The following CNTN1 variants were observed in gnomAD, a reference collection of about 807,000 sequenced individuals.
CNTN1 encodes the protein contactin 1, also known as contactin-1.
In CNTN1, 38 loss-of-function variants were observed where a neutral mutation model predicts 126.4. That is an observed-to-expected ratio of 0.30 (90% confidence interval 0.23 to 0.39). The LOEUF (loss-of-function observed/expected upper bound fraction) is 0.39, where lower values mean the gene tolerates loss of function less well. Among genes scored for constraint, CNTN1 ranks in the 10% least tolerant of loss-of-function variants. The pLI is 1.00. For synonymous variants in CNTN1, 413 were observed against 422.6 expected (o/e 0.98, Z 0.28); for missense variants, 1,009 against 1,248.4 (o/e 0.81, Z 2.89).
chr12:41,051,217 G>A (rs1328717626), intron 23 of CNTN1, among the ~76,000 whole-genome samples: 1 of 143,248 alleles, frequency 7.0e-6, no homozygotes, highest in Non-Finnish European at 1.5e-5. Flanking sequence ...GTGAGATCTC[G>A]GCTCACTGCA....
chr12:40,851,676 G>A lies in CNTN1; in HGVS notation c.-76-56681G>A, dbSNP rs551751850. The stretch of plus-strand genomic sequence containing the variant: ...CAGTAAATTAATCACTGTGACGTGG[G>A]TTTTGCAGAAGAGAAATTTATTCAC... On this transcript the variant is annotated intron_variant, in intron 1 of 23. Coordinates refer to ENST00000551295, the MANE Select transcript of CNTN1 (RefSeq NM_001843.4). Among the ~76,000 whole-genome samples, 48 of 152,252 alleles carry A rather than the reference G, an allele frequency of 3.2e-4. No individual in the cohort carries two copies. In the South Asian group the frequency reaches 9.5e-3, roughly 30 times the overall value.
intron 7 of CNTN1, among the ~76,000 whole-genome samples, 177 bp from the exon 8 acceptor site, chr12:40,933,284 A>G (rs957883894): frequency 6.6e-6 from 1 of 151,966 alleles, no homozygotes; most frequent in Non-Finnish European, 1.5e-5. Context: ...CTGAGAAGTT[A>G]TACTATATTC....
At chr12:41,031,068 G>A (rs994379979) in intron 23 of CNTN1, among the ~76,000 whole-genome samples, 1 of 152,160 alleles carries the variant, frequency 6.6e-6, no homozygotes, top group Non-Finnish European at 1.5e-5. Flanking sequence ...TTTGCTCTCT[G>A]TACTCACCCT....
At chr12:40,881,880 A>T (rs1327457614) in intron 1 of CNTN1, among the ~76,000 whole-genome samples, 1 of 151,884 alleles carries the variant, frequency 6.6e-6, no homozygotes, top group African/African-American at 2.4e-5. Context: ...CTTGCTTTCT[A>T]TATGTTAATT....
chr12:40,925,548 T>A (rs1945616563), intron 6 of CNTN1, among the ~76,000 whole-genome samples: 1 of 146,540 alleles, frequency 6.8e-6, no homozygotes, highest in Non-Finnish European at 1.5e-5. Flanking sequence ...TGTGTGTGTG[T>A]ATATATATAC....
At chr12:40,944,294 A>G (rs1224144303) in intron 14 of CNTN1, 124 bp downstream of exon 14, 3 of 879,142 alleles carry the variant, frequency 3.4e-6, no homozygotes, top group Non-Finnish European at 5.4e-6. Flanking sequence ...AAAGCAGGCA[A>G]AAAAGCTTTC....
intron 14 of CNTN1, among the ~76,000 whole-genome samples, chr12:40,948,892 A>G (rs1187334552): frequency 6.6e-6 from 1 of 152,206 alleles, no homozygotes; most frequent in African/African-American, 2.4e-5. Flanking sequence ...TGGTCTAACT[A>G]TGAAGTTCCT....
chr12:41,056,737 C>T (rs1031742538), intron 23 of CNTN1, among the ~76,000 whole-genome samples: 8 of 151,500 alleles, frequency 5.3e-5, no homozygotes, highest in Non-Finnish European at 8.8e-5. Context: ...TTTTAATCTT[C>T]TAGACTCCAT....
At chr12:40,996,823 T>C (rs1210777025) in intron 17 of CNTN1, among the ~76,000 whole-genome samples, 7 of 152,250 alleles carry the variant, frequency 4.6e-5, no homozygotes, top group African/African-American at 1.4e-4. Flanking sequence ...GACATTTACA[T>C]TTTTCATTTT....
chr12:40,915,255 G>C (rs1302890504), intron 3 of CNTN1, among the ~76,000 whole-genome samples: 1 of 152,108 alleles, frequency 6.6e-6, no homozygotes, highest in Non-Finnish European at 1.5e-5. Context: ...GCGCCAAGCA[G>C]TACTTTCAGT....
intron 1 of CNTN1, among the ~76,000 whole-genome samples, chr12:40,801,117 C>A (rs1186546391): frequency 2.0e-5 from 3 of 150,250 alleles, no homozygotes; most frequent in African/African-American, 4.9e-5. Context: ...ATAACAAATA[C>A]CCTTAGCCAA....
At position 40,918,713 on chromosome 12, in the gene CNTN1, C is replaced by A. The variant is rs1742268326; in HGVS notation, c.169C>A (p.Leu57Met). The A allele has an allele frequency of 6.2e-7, 1 of 1,613,600 alleles. No individual in the cohort carries two copies. Among genetic ancestry groups the A allele is most frequent in the Admixed American group, 1.7e-5 (1 of 59,974 alleles). ...PINTIYPEES[L>M]EGKVSLNCRA... ...CAATACCATTTATCCAGAGGAATCA[C>A]TGGAAGGAAAAGTCTCACTCAACTG... The change falls in exon 4 of 24, where the codon CTG becomes ATG. Residue 57 changes from leucine (L) to methionine (M), a missense_variant. By Grantham distance (15) the Leu-to-Met change is conservative. Transcript: ENST00000551295.
At chr12:40,949,750 A>AT (rs1471204224) in intron 14 of CNTN1, among the ~76,000 whole-genome samples, 1 of 149,508 alleles carries the variant, frequency 6.7e-6, no homozygotes, top group African/African-American at 2.5e-5. Context: ...ATTTTTTTGT[A>AT]TTTTTAGTAG....
intron 1 of CNTN1, among the ~76,000 whole-genome samples, chr12:40,901,937 T>A (rs546505127): frequency 6.6e-6 from 1 of 152,336 alleles, no homozygotes; most frequent in East Asian, 1.9e-4. Context: ...GTGAGGCTGA[T>A]CTAAAACATA....
chr12:40,718,371 G>T (rs200627517), intron 1 of CNTN1, among the ~76,000 whole-genome samples: 1 of 152,012 alleles, frequency 6.6e-6, no homozygotes. Flanking sequence ...ACTAGAGATG[G>T]GGTTTCGCCG....
chr12:40,762,057 C>T (rs1584098), intron 1 of CNTN1, among the ~76,000 whole-genome samples: 145,565 of 152,268 alleles, frequency 0.96, 69,897 homozygotes, highest in East Asian at 1. Flanking sequence ...ACTGTATACA[C>T]TTGTTCCTCT....
chr12:40,924,359 T>C (rs540267446), intron 5 of CNTN1, among the ~76,000 whole-genome samples, 198 bp from the exon 6 acceptor site: 2 of 152,266 alleles, frequency 1.3e-5, no homozygotes, highest in South Asian at 2.1e-4. Flanking sequence ...GACTTTGAGC[T>C]CATAACAGAA....
chr12:40,994,616 A>C (rs543363143), intron 17 of CNTN1, among the ~76,000 whole-genome samples: 1 of 152,074 alleles, frequency 6.6e-6, no homozygotes, highest in Non-Finnish European at 1.5e-5. Context: ...TCTAGGGAAT[A>C]ATAATAAAAA....
chr12:40,768,720 TACA>T (rs148710266), intron 1 of CNTN1, among the ~76,000 whole-genome samples: 10,266 of 152,224 alleles, frequency 0.067, 951 homozygotes, highest in African/African-American at 0.21. Flanking sequence ...CTCTCATTTT[TACA>T]ACAATGTTTT....
Sources: allele counts gnomAD v4.1 joint callset (sites outside exome capture counted in the v4.1 genomes callset), GRCh38; gene constraint gnomAD v4.1.1; transcripts MANE v1.5; gene names NCBI Gene and HGNC (gene_info 2026-07-23, HGNC 2026-07-21).